The following TACR1 variants were observed in gnomAD, a reference collection of about 807,000 sequenced individuals.
TACR1 encodes the protein substance-P receptor.
TACR1 carries 25 observed loss-of-function variants against 35.8 expected under a neutral mutation model. The observed-to-expected ratio is 0.70, with a 90% confidence interval of 0.51 to 0.98. The LOEUF is 0.98. TACR1 is among the 50% of genes least tolerant of loss of function. The pLI is 0.00. For missense variants in TACR1, 478 were observed against 522.9 expected (o/e 0.91, Z 0.84); for synonymous variants, 195 against 206.7 (o/e 0.94, Z 0.48).
At chr2:75,157,145 C>A (rs75025734) in intron 1 of TACR1, among the ~76,000 whole-genome samples, 1 of 151,914 alleles carries the variant, frequency 6.6e-6, no homozygotes, top group Non-Finnish European at 1.5e-5. Context: ...AGTGGCAGGG[C>A]AGGGGTTGGG....
At chr2:75,106,890 A>G (rs1052233202) in intron 2 of TACR1, among the ~76,000 whole-genome samples, 1 of 151,810 alleles carries the variant, frequency 6.6e-6, no homozygotes, top group Non-Finnish European at 1.5e-5. Flanking sequence ...ATGAAAGAAG[A>G]CCAACTATAA....
chr2:75,169,350 G>A (rs968147507), intron 1 of TACR1, among the ~76,000 whole-genome samples: 5 of 152,238 alleles, frequency 3.3e-5, no homozygotes, highest in Admixed American at 3.3e-4. Context: ...CTAAGAAAAG[G>A]ATGTGATGGT....
chr2:75,137,943 AGT>A (rs1674332225), intron 1 of TACR1, among the ~76,000 whole-genome samples: 1 of 152,124 alleles, frequency 6.6e-6, no homozygotes. Context: ...TTAAGCATAT[AGT>A]GGTAGGCTTC....
Position 75,047,484 on chromosome 2 carries a change from C to T in TACR1, c.*1948G>A, listed in dbSNP as rs1672387379. On this transcript the variant is annotated 3_prime_UTR_variant, in exon 5 of 5. Transcript: ENST00000305249. ...AATCCTCGTTGAGCTCAACTCTAAC[C>T]TTCTCTTCCATAGATGGGGTGTCCC... 6.6e-6 allele frequency: 1 copy of T among 152,242 alleles called. No homozygotes were observed. 9.4% of individuals were successfully genotyped at this position (152,242 alleles called of 1,614,324 possible).
chr2:75,175,923 G>A (rs961225200), intron 1 of TACR1, among the ~76,000 whole-genome samples: 21 of 140,046 alleles, frequency 1.5e-4, no homozygotes, highest in African/African-American at 4.7e-4. Context: ...CATCAAAGAA[G>A]ATTTTATTTT....
At chr2:75,055,232 C>G (rs986085412) in intron 2 of TACR1, among the ~76,000 whole-genome samples, 57 of 152,294 alleles carry the variant, frequency 3.7e-4, no homozygotes, top group African/African-American at 1.4e-3. Context: ...TTGTAAAGCC[C>G]CACAGTTTTT....
At chr2:75,132,205 C>T (rs933560554) in intron 1 of TACR1, among the ~76,000 whole-genome samples, 20 of 152,104 alleles carry the variant, frequency 1.3e-4, no homozygotes, top group African/African-American at 3.9e-4. Flanking sequence ...TTTCATTTCT[C>T]ACAATTATAG....
At chr2:75,183,097 C>T (rs999653184) in intron 1 of TACR1, among the ~76,000 whole-genome samples, 1 of 152,264 alleles carries the variant, frequency 6.6e-6, no homozygotes, top group South Asian at 2.1e-4. Context: ...TCTACATTTA[C>T]AAGCATGAGT....
intron 1 of TACR1, among the ~76,000 whole-genome samples, chr2:75,197,164 G>C: frequency 6.6e-6 from 1 of 152,094 alleles, no homozygotes. Context: ...TCCACAATTT[G>C]TTTTACATAA....
intron 2 of TACR1, among the ~76,000 whole-genome samples, chr2:75,117,321 A>G (rs576374709): frequency 1.3e-5 from 2 of 152,368 alleles, no homozygotes; most frequent in South Asian, 4.1e-4. Context: ...AAGGTCCACC[A>G]TACAGCCAGA....
At position 75,092,553 on chromosome 2, in the gene TACR1, C is replaced by T. The variant is rs181600568; in HGVS notation, c.584+28021G>A. On this transcript the variant is annotated intron_variant, in intron 2 of 4. Transcript: ENST00000305249. Reference sequence around the variant, plus strand: ...AATGGGGACATTGTAGCACAATTTTCAAGAGATTCATAGATGGATCAGGAA... The same window carrying T: ...AATGGGGACATTGTAGCACAATTTTTAAGAGATTCATAGATGGATCAGGAA... Among the ~76,000 whole-genome samples the T allele has an allele frequency of 2.0e-4, 31 of 152,140 alleles. 1 individual carries two copies. The highest frequency in any genetic ancestry group is 1.6e-3 in the Admixed American group (24 of 15,280).
intron 1 of TACR1, among the ~76,000 whole-genome samples, chr2:75,157,935 G>C (rs1674902723): frequency 1.3e-5 from 2 of 152,204 alleles, no homozygotes; most frequent in Admixed American, 1.3e-4. Flanking sequence ...CCACCAAAAA[G>C]AGCTTTAGTT....
chr2:75,116,457 T>C (rs1673860906), intron 2 of TACR1, among the ~76,000 whole-genome samples: 1 of 152,172 alleles, frequency 6.6e-6, no homozygotes, highest in African/African-American at 2.4e-5. Flanking sequence ...ATTTGAAACA[T>C]CTCCAGTTTG....
intron 1 of TACR1, among the ~76,000 whole-genome samples, chr2:75,143,450 G>A (rs186900937): frequency 2.6e-5 from 4 of 152,216 alleles, no homozygotes; most frequent in South Asian, 2.1e-4. Context: ...TGCCTTCTTC[G>A]AACCAGAAGT....
At chr2:75,158,451 T>C (rs1674918766) in intron 1 of TACR1, among the ~76,000 whole-genome samples, 2 of 152,196 alleles carry the variant, frequency 1.3e-5, no homozygotes, top group Admixed American at 6.5e-5. Context: ...AAAATATGTA[T>C]TTATTTTGAT....
intron 2 of TACR1, among the ~76,000 whole-genome samples, chr2:75,074,442 A>G (rs1672939942): frequency 6.6e-6 from 1 of 152,156 alleles, no homozygotes; most frequent in African/African-American, 2.4e-5. Flanking sequence ...TCCGTATAAC[A>G]TGGCCCTACA....
chr2:75,163,808 T>C (rs1374339384), intron 1 of TACR1, among the ~76,000 whole-genome samples: 3 of 152,196 alleles, frequency 2.0e-5, no homozygotes, highest in Non-Finnish European at 2.9e-5. Flanking sequence ...TATTGCATTA[T>C]TACTCTTCAT....
intron 1 of TACR1, among the ~76,000 whole-genome samples, chr2:75,181,177 C>T (rs1246082143): frequency 6.6e-6 from 1 of 152,170 alleles, no homozygotes; most frequent in Non-Finnish European, 1.5e-5. Context: ...TAATAACTTC[C>T]TATTTGGAAT....
chr2:75,146,487 G>T lies in TACR1; in HGVS notation c.390-25719C>A, dbSNP rs79745005. On this transcript the variant is annotated intron_variant, in intron 1 of 4. Coordinates refer to ENST00000305249, the MANE Select transcript of TACR1 (RefSeq NM_001058.4). ...TAGGGAGTAGCCCATGTGGTCATTTGTTACAGAGGAATCAGGCAAGATAAG... is the reference window on the plus strand; with the variant it reads ...TAGGGAGTAGCCCATGTGGTCATTTTTTACAGAGGAATCAGGCAAGATAAG... Among the ~76,000 whole-genome samples, 1,272 of 152,282 alleles carry T rather than the reference G, an allele frequency of 8.4e-3. 14 individuals are homozygous for T. Among genetic ancestry groups the T allele is most frequent in the African/African-American group, 0.029 (1,212 of 41,566 alleles).
Sources: allele counts gnomAD v4.1 joint callset (sites outside exome capture counted in the v4.1 genomes callset), GRCh38; gene constraint gnomAD v4.1.1; transcripts MANE v1.5; gene names NCBI Gene and HGNC (gene_info 2026-07-23, HGNC 2026-07-21).